VTCN1: variants seen among roughly 807,000 people sequenced by gnomAD.
VTCN1 encodes the protein V-set domain containing T cell activation inhibitor 1.
A neutral mutation model predicts 26.5 loss-of-function variants in VTCN1; 26 were observed. The observed-to-expected ratio is 0.98, with a 90% CI of 0.72 to 1.36. The LOEUF (loss-of-function observed/expected upper bound fraction) is 1.36. VTCN1 is among the 40% of genes most tolerant of loss of function. VTCN1 has a pLI of 0.00. For synonymous variants in VTCN1, 116 were observed against 130.7 expected (o/e 0.89, Z 0.77); for missense variants, 298 against 337.7 (o/e 0.88, Z 0.92).
intron 1 of VTCN1, among the ~76,000 whole-genome samples, chr1:117,171,475 G>A (rs573734946): frequency 5.6e-4 from 85 of 152,298 alleles, no homozygotes; most frequent in Middle Eastern, 3.4e-3. Flanking sequence ...TACCAACAGC[G>A]TAAAAGCGTT....
intron 4 of VTCN1, among the ~76,000 whole-genome samples, chr1:117,152,719 G>A (rs745747489): frequency 1.3e-5 from 2 of 152,148 alleles, no homozygotes; most frequent in Non-Finnish European, 2.9e-5. Context: ...AAGTTTTGGA[G>A]GGCTTGAAGT....
At chr1:117,153,598 C>T (rs2101454115) in intron 3 of VTCN1, among the ~76,000 whole-genome samples, 1 of 151,822 alleles carries the variant, frequency 6.6e-6, no homozygotes, top group East Asian at 1.9e-4. Flanking sequence ...TTTGGCCAAT[C>T]ACAAACCCCA....
At chr1:117,148,737 C>A (rs961687627) in intron 4 of VTCN1, among the ~76,000 whole-genome samples, 27 of 152,096 alleles carry the variant, frequency 1.8e-4, no homozygotes, top group African/African-American at 6.0e-4. Flanking sequence ...AAGAGAAGGA[C>A]AAAAAAATAA....
chr1:117,198,020 T>A (rs1177144698), intron 1 of VTCN1, among the ~76,000 whole-genome samples: 1 of 152,220 alleles, frequency 6.6e-6, no homozygotes, highest in Non-Finnish European at 1.5e-5. Flanking sequence ...ACACTCACTC[T>A]GGGCACTGCC....
chr1:117,147,610 C>A lies in VTCN1; in HGVS notation c.*45+3G>T. The stretch of plus-strand genomic sequence containing the variant: ...ATCCCACACTATTTGTGATTAATCT[C>A]ACCTGTTGTAACAATGACTTTGCAT... On this transcript the variant is annotated splice_donor_region_variant and intron_variant, in intron 5 of 5. Coordinates refer to ENST00000369458, the MANE Select transcript of VTCN1 (RefSeq NM_024626.4). This position sits in a 1 kb window ranked among gnomAD's most constrained non-coding sequence, Gnocchi z 4.6. 1 of 1,605,726 alleles carries A rather than the reference C, an allele frequency of 6.2e-7. No homozygotes were observed. Among genetic ancestry groups the A allele is most frequent in the Non-Finnish European group, 8.5e-7 (1 of 1,176,832 alleles).
At chr1:117,172,969 C>T (rs978674231) in intron 1 of VTCN1, among the ~76,000 whole-genome samples, 3 of 152,168 alleles carry the variant, frequency 2.0e-5, no homozygotes, top group African/African-American at 7.2e-5. Context: ...CCTCCGGTCC[C>T]CTTCCATGCT....
At chr1:117,157,497 C>T (rs964713048) in intron 2 of VTCN1, among the ~76,000 whole-genome samples, 12 of 152,142 alleles carry the variant, frequency 7.9e-5, no homozygotes, top group South Asian at 2.1e-4. Context: ...CCTGATAAAC[C>T]CACCAGATCT....
chr1:117,179,695 T>C (rs1647576561), intron 1 of VTCN1, among the ~76,000 whole-genome samples: 1 of 152,220 alleles, frequency 6.6e-6, no homozygotes, highest in African/African-American at 2.4e-5. Context: ...ATTCTGTAAT[T>C]TGATATTCCC....
At chr1:117,200,755 G>T (rs1380281920) in intron 1 of VTCN1, among the ~76,000 whole-genome samples, 1 of 152,196 alleles carries the variant, frequency 6.6e-6, no homozygotes, top group Admixed American at 6.5e-5. Context: ...TTGGATTCCA[G>T]TGTTTTAGAT....
At chr1:117,164,202 C>T (rs2101495440) in intron 2 of VTCN1, among the ~76,000 whole-genome samples, 1 of 152,248 alleles carries the variant, frequency 6.6e-6, no homozygotes. Context: ...AGCTTAAAAG[C>T]AGCTTAGATA....
intron 2 of VTCN1, among the ~76,000 whole-genome samples, chr1:117,158,195 T>C (rs1399367332): frequency 6.6e-6 from 1 of 152,204 alleles, no homozygotes; most frequent in Non-Finnish European, 1.5e-5. Flanking sequence ...ACAGCTCCAC[T>C]AAGTGGTGCA....
chr1:117,157,562 C>T (rs1367620742), intron 2 of VTCN1, among the ~76,000 whole-genome samples: 1 of 152,140 alleles, frequency 6.6e-6, no homozygotes, highest in Non-Finnish European at 1.5e-5. Context: ...CCCCATGATT[C>T]AAATGATCTC....
rs1651574682 is a variant in VTCN1, at chr1:117,147,554, CATT to C, written c.*45+56_*45+58del. ...CTGATGCTGAAGGCTATCCGACTCT[CATT>C]AGGAGCACAAGCACCCACAGAACCA... On this transcript the variant is annotated intron_variant, in intron 5 of 5. Coordinates refer to ENST00000369458, the MANE Select transcript of VTCN1 (RefSeq NM_024626.4). This position sits in a 1 kb window ranked among gnomAD's most constrained non-coding sequence, Gnocchi z 4.6. The C allele has an allele frequency of 6.9e-7, 1 of 1,441,090 alleles. No homozygotes were observed. Among genetic ancestry groups the C allele is most frequent in the African/African-American group, 1.4e-5 (1 of 70,750 alleles). 89.3% of individuals were successfully genotyped at this position (1,441,090 alleles called of 1,614,324 possible).
chr1:117,174,655 T>G (rs1647220925), intron 1 of VTCN1, among the ~76,000 whole-genome samples: 1 of 152,134 alleles, frequency 6.6e-6, no homozygotes, highest in African/African-American at 2.4e-5. Context: ...TAATCCCAGC[T>G]ACTCGGGAGG....
At position 117,169,989 on chromosome 1, in the gene VTCN1, C is replaced by T. The variant is rs539727063; in HGVS notation, c.97+118G>A. ...AGCACAAGAAGTAGAAGAATGAATG[C>T]TATACTCTGAGGTTTTCTGGGTCAA... On this transcript the variant is annotated intron_variant, in intron 2 of 5. Transcript: ENST00000369458. The surrounding 1 kb of genome is among the most constrained non-coding windows in gnomAD (Gnocchi z 4.0). 3.3e-6 allele frequency: 3 copies of T among 897,000 alleles called. No individual in the cohort carries two copies. The highest frequency in any genetic ancestry group is 5.5e-6 in the Non-Finnish European group (3 of 548,476). The allele number at this position is 897,000 out of a possible 1,614,324, so 55.6% of individuals were successfully genotyped here.
chr1:117,203,560 A>T, intron 1 of VTCN1: 1 of 961,488 alleles, frequency 1.0e-6, no homozygotes, highest in Non-Finnish European at 1.2e-6. Flanking sequence ...CATTGCAGGC[A>T]GATGGTTTGG....
intron 1 of VTCN1, among the ~76,000 whole-genome samples, chr1:117,172,875 CTG>C (rs1214420877): frequency 6.6e-6 from 1 of 152,154 alleles, no homozygotes; most frequent in Non-Finnish European, 1.5e-5. Context: ...GATCAGCACT[CTG>C]TAAAATGGAC....
intron 1 of VTCN1, among the ~76,000 whole-genome samples, chr1:117,205,965 A>C (rs1043341917): frequency 1.3e-5 from 2 of 152,002 alleles, no homozygotes; most frequent in Non-Finnish European, 2.9e-5. Flanking sequence ...GCTTGTACAC[A>C]CTAGGACCTC....
chr1:117,195,510 A>T (rs1029552698), intron 1 of VTCN1, among the ~76,000 whole-genome samples: 2 of 152,122 alleles, frequency 1.3e-5, no homozygotes, highest in African/African-American at 2.4e-5. Flanking sequence ...CTGTGGGGAA[A>T]AAAGAGAAGG....
Sources: allele counts gnomAD v4.1 joint callset (sites outside exome capture counted in the v4.1 genomes callset), GRCh38; gene constraint gnomAD v4.1.1; non-coding constraint Gnocchi (gnomAD v3.1); transcripts MANE v1.5; gene names NCBI Gene and HGNC (gene_info 2026-07-23, HGNC 2026-07-21).